THSD7B: variants seen among roughly 807,000 people sequenced by gnomAD.
THSD7B encodes thrombospondin type 1 domain containing 7B.
A neutral mutation model predicts 213.6 loss-of-function variants in THSD7B; 138 were observed. The observed-to-expected ratio is 0.65, with a 90% CI of 0.56 to 0.74. The LOEUF (loss-of-function observed/expected upper bound fraction) is 0.74. THSD7B is among the 30% of genes least tolerant of loss of function. The probability of loss-of-function intolerance (pLI) is 0.00; values close to 1 mark genes in which losing one functional copy is unlikely to be tolerated. For synonymous variants in THSD7B, 742 were observed against 687.0 expected, an observed-to-expected ratio of 1.08 and a Z score of -1.25; for missense variants, 1,931 against 1,991.5, an observed-to-expected ratio of 0.97 and a Z score of 0.58.
At chr2:137,198,581 A>G (rs2105021820) in intron 7 of THSD7B, among the ~76,000 whole-genome samples, 1 of 152,288 alleles carries the variant, frequency 6.6e-6, no homozygotes, top group South Asian at 2.1e-4. Context: ...AACCATCTGA[A>G]TAATGACCAG....
chr2:137,071,940 G>A (rs536211066), intron 3 of THSD7B, among the ~76,000 whole-genome samples: 1 of 152,254 alleles, frequency 6.6e-6, no homozygotes, highest in South Asian at 2.1e-4. Context: ...TTATTTCTGA[G>A]GGCTCTGTTC....
At position 137,056,659 on chromosome 2, in the gene THSD7B, C is replaced by CGGACTGCAGAGTGTGTGACGGCTCAGCAT; in HGVS notation, c.389_417dup (p.His140SerfsTer3). On this transcript the variant is annotated frameshift_variant, in exon 3 of 28. Coordinates refer to ENST00000409968, the MANE Select transcript of THSD7B (RefSeq NM_001316349.2). LOFTEE classifies it high-confidence loss of function. ...TTACGCTCGCGGTGAAGTCAAGCCTCGGACTGCAGAGTGTGTGACGGCTCA... is the reference window on the plus strand; with the variant it reads ...TTACGCTCGCGGTGAAGTCAAGCCTCGGACTGCAGAGTGTGTGACGGCTCAGCATGGACTGCAGAGTGTGTGACGGCTCA... 6.2e-7 allele frequency: 1 copy of CGGACTGCAGAGTGTGTGACGGCTCAGCAT among 1,613,958 alleles called. No homozygotes were observed. The highest frequency in any genetic ancestry group is 8.5e-7 in the Non-Finnish European group (1 of 1,179,886).
At chr2:137,160,432 A>C (rs149968869) in intron 6 of THSD7B, 64 bp downstream of exon 6, 31 of 1,567,830 alleles carry the variant, frequency 2.0e-5, no homozygotes, top group Non-Finnish European at 2.7e-5. Flanking sequence ...TCTGGTAGCT[A>C]AGTCACTGAT....
At chr2:137,514,116 A>G (rs1017600970) in intron 15 of THSD7B, among the ~76,000 whole-genome samples, 1 of 152,112 alleles carries the variant, frequency 6.6e-6, no homozygotes, top group Non-Finnish European at 1.5e-5. Context: ...TACTGCCTAT[A>G]TATATGACAG....
chr2:137,054,975 C>T (rs113601899), intron 2 of THSD7B, among the ~76,000 whole-genome samples: 8 of 152,178 alleles, frequency 5.3e-5, no homozygotes, highest in African/African-American at 1.4e-4. Flanking sequence ...TATTCCCCTC[C>T]CTGTGTCCAT....
intron 2 of THSD7B, among the ~76,000 whole-genome samples, chr2:137,049,961 A>T (rs1687039448): frequency 6.6e-6 from 1 of 152,202 alleles, no homozygotes; most frequent in Admixed American, 6.5e-5. Context: ...AACCAGCGTG[A>T]TATAGAGTTA....
intron 26 of THSD7B, among the ~76,000 whole-genome samples, chr2:137,664,802 C>G (rs1034413901): frequency 6.6e-6 from 1 of 152,144 alleles, no homozygotes; most frequent in Non-Finnish European, 1.5e-5. Flanking sequence ...GTCTCTGTGG[C>G]CATCAGACAT....
intron 12 of THSD7B, among the ~76,000 whole-genome samples, chr2:137,353,671 ATTC>A (rs1327896884): frequency 1.3e-5 from 2 of 152,142 alleles, no homozygotes; most frequent in Non-Finnish European, 1.5e-5. Context: ...ACTTCAATTT[ATTC>A]TTTTCAATTT....
chr2:137,103,872 C>T (rs779768794), intron 4 of THSD7B, among the ~76,000 whole-genome samples: 5 of 152,112 alleles, frequency 3.3e-5, no homozygotes, highest in Admixed American at 6.6e-5. Context: ...ACAGGAGCAT[C>T]CAGATTCATA....
chr2:137,371,325 T>C (rs1320144411), intron 12 of THSD7B, among the ~76,000 whole-genome samples: 1 of 152,182 alleles, frequency 6.6e-6, no homozygotes, highest in African/African-American at 2.4e-5. Flanking sequence ...AAGATTTTTA[T>C]TCCGTTCTCA....
chr2:137,656,123 T>G (rs1054361017), intron 22 of THSD7B, among the ~76,000 whole-genome samples: 1 of 152,178 alleles, frequency 6.6e-6, no homozygotes, highest in Non-Finnish European at 1.5e-5. Flanking sequence ...AATGTGAAGT[T>G]CTATATAAAT....
intron 17 of THSD7B, among the ~76,000 whole-genome samples, chr2:137,579,832 GT>G (rs1258092116): frequency 6.6e-6 from 1 of 151,948 alleles, no homozygotes; most frequent in Non-Finnish European, 1.5e-5. Context: ...TATTATTATT[GT>G]TGTTGTTTGT....
intron 5 of THSD7B, among the ~76,000 whole-genome samples, chr2:137,148,064 A>G (rs1328666001): frequency 6.6e-6 from 1 of 152,058 alleles, no homozygotes; most frequent in Non-Finnish European, 1.5e-5. Flanking sequence ...ATAATCCCCA[A>G]GTGTCATGGG....
chr2:137,222,477 CAG>C (rs1249037828), intron 7 of THSD7B, among the ~76,000 whole-genome samples: 2 of 152,162 alleles, frequency 1.3e-5, no homozygotes, highest in East Asian at 3.8e-4. Context: ...GAAAATTATA[CAG>C]AGTTTTTCTG....
intron 4 of THSD7B, among the ~76,000 whole-genome samples, chr2:137,106,441 C>A (rs552629887): frequency 6.6e-6 from 1 of 152,190 alleles, no homozygotes; most frequent in South Asian, 2.1e-4. Context: ...ACTATAACAC[C>A]CTGGAAGAAA....
At chr2:137,447,292 A>G (rs903591866) in intron 14 of THSD7B, among the ~76,000 whole-genome samples, 1 of 152,172 alleles carries the variant, frequency 6.6e-6, no homozygotes, top group Non-Finnish European at 1.5e-5. Flanking sequence ...TCTCAATTAA[A>G]AGGGCATCTA....
At chr2:136,962,148 A>G (rs955210649) in intron 2 of THSD7B, among the ~76,000 whole-genome samples, 1 of 152,220 alleles carries the variant, frequency 6.6e-6, no homozygotes, top group African/African-American at 2.4e-5. Context: ...CTGGCTTTGA[A>G]TATGAGAAGG....
At chr2:137,498,533 C>T (rs960482324) in intron 15 of THSD7B, among the ~76,000 whole-genome samples, 2 of 152,042 alleles carry the variant, frequency 1.3e-5, no homozygotes, top group Non-Finnish European at 2.9e-5. Context: ...CCAATCCTAA[C>T]CTAAGCTTCA....
intron 18 of THSD7B, among the ~76,000 whole-genome samples, chr2:137,616,778 G>A (rs550761790): frequency 1.3e-5 from 2 of 152,242 alleles, no homozygotes; most frequent in African/African-American, 2.4e-5. Context: ...GGATGTTTTC[G>A]AGGCACACTG....
Sources: allele counts gnomAD v4.1 joint callset (sites outside exome capture counted in the v4.1 genomes callset), GRCh38; gene constraint gnomAD v4.1.1; transcripts MANE v1.5; gene names NCBI Gene and HGNC (gene_info 2026-07-23, HGNC 2026-07-21).